The following DPYSL3 variants were observed in gnomAD, a reference collection of about 807,000 sequenced individuals.
The protein encoded by DPYSL3 is dihydropyrimidinase like 3, also known as dihydropyrimidinase-related protein 3.
In DPYSL3, 16 loss-of-function variants were observed where a neutral mutation model predicts 66.1. The observed-to-expected ratio is 0.24, with a 90% CI of 0.16 to 0.37. The LOEUF (loss-of-function observed/expected upper bound fraction) is 0.37, where lower values mean the gene tolerates loss of function less well. Among genes scored for constraint, DPYSL3 ranks in the 10% least tolerant of loss-of-function variants. DPYSL3 has a pLI of 1.00. For synonymous variants in DPYSL3, 338 were observed against 345.1 expected, an observed-to-expected ratio of 0.98 and a Z score of 0.23; for missense variants, 738 against 916.2, an observed-to-expected ratio of 0.81 and a Z score of 2.51.
intron 3 of DPYSL3, 75 bp downstream of exon 3, chr5:147,418,372 G>C: frequency 7.1e-7 from 1 of 1,405,230 alleles, no homozygotes; most frequent in South Asian, 1.5e-5. Flanking sequence ...GTTATAGTAA[G>C]AGAGTTCTGG....
At chr5:147,467,409 C>G (rs1753026587) in intron 1 of DPYSL3, among the ~76,000 whole-genome samples, 1 of 152,120 alleles carries the variant, frequency 6.6e-6, no homozygotes. Flanking sequence ...ATTTTGAAGT[C>G]CCCATAGAAG....
At chr5:147,415,026 T>TG (rs989260526) in intron 4 of DPYSL3, among the ~76,000 whole-genome samples, 12 of 151,968 alleles carry the variant, frequency 7.9e-5, no homozygotes, top group East Asian at 7.8e-4. Context: ...TGCCTGTATG[T>TG]GGGGGGGAGG....
At chr5:147,449,165 C>G (rs1581200344) in intron 1 of DPYSL3, among the ~76,000 whole-genome samples, 2 of 152,160 alleles carry the variant, frequency 1.3e-5, no homozygotes, top group African/African-American at 4.8e-5. Context: ...CTTCTTCTAG[C>G]TCTAGTCTAG....
chr5:147,483,045 A>G (rs1753272765), intron 1 of DPYSL3, among the ~76,000 whole-genome samples: 1 of 152,204 alleles, frequency 6.6e-6, no homozygotes, highest in African/African-American at 2.4e-5. Context: ...CTCGCTTGAC[A>G]CGTTGGGATT....
chr5:147,453,936 T>A, intron 1 of DPYSL3: 1 of 336,160 alleles, frequency 3.0e-6, no homozygotes. Context: ...CTTATCCCTA[T>A]TGATTTTCCT....
intron 1 of DPYSL3, among the ~76,000 whole-genome samples, chr5:147,468,385 G>T (rs1460220778): frequency 6.6e-6 from 1 of 152,160 alleles, no homozygotes; most frequent in Non-Finnish European, 1.5e-5. Context: ...ATTTGCCTTT[G>T]TTTAGAAAGA....
At chr5:147,438,957 A>G (rs920351256) in intron 1 of DPYSL3, among the ~76,000 whole-genome samples, 2 of 152,142 alleles carry the variant, frequency 1.3e-5, no homozygotes, top group Admixed American at 1.3e-4. Context: ...GGTTTTGGTG[A>G]TACAGTGGGG....
chr5:147,452,469 A>C (rs5872020), intron 1 of DPYSL3, among the ~76,000 whole-genome samples: 79 of 150,822 alleles, frequency 5.2e-4, no homozygotes, highest in African/African-American at 1.9e-3. Context: ...ACACACACAC[A>C]CCATCCAATT....
At chr5:147,423,500 T>C (rs1752126224) in intron 2 of DPYSL3, among the ~76,000 whole-genome samples, 1 of 152,200 alleles carries the variant, frequency 6.6e-6, no homozygotes, top group South Asian at 2.1e-4. Context: ...ATGCAAAACA[T>C]TTAACATTGT....
chr5:147,394,425 A>G (rs533830918), intron 13 of DPYSL3, among the ~76,000 whole-genome samples: 136 of 152,278 alleles, frequency 8.9e-4, no homozygotes, highest in African/African-American at 3.2e-3. Context: ...GTGGCAGGCA[A>G]TGTTTTCCGT....
At chr5:147,485,550 G>C (rs924788300) in intron 1 of DPYSL3, among the ~76,000 whole-genome samples, 3 of 152,006 alleles carry the variant, frequency 2.0e-5, no homozygotes, top group Admixed American at 6.6e-5. Flanking sequence ...AAAATGCATA[G>C]AGTGACTTAT....
chr5:147,446,499 G>A (rs1752631936), intron 1 of DPYSL3, among the ~76,000 whole-genome samples: 1 of 152,228 alleles, frequency 6.6e-6, no homozygotes, highest in Non-Finnish European at 1.5e-5. Flanking sequence ...AATTCCAGAT[G>A]TTCCAAATGG....
chr5:147,401,637 A>T lies in DPYSL3; in HGVS notation c.1213T>A (p.Trp405Arg). The T allele has an allele frequency of 1.2e-6, 2 of 1,614,150 alleles. No individual in the cohort carries two copies. Among genetic ancestry groups the T allele is most frequent in the Non-Finnish European group, 1.7e-6 (2 of 1,180,030 alleles). ...ASLGIDGTHY[W>R]SKNWAKAAAF... Reference sequence around the variant, plus strand: ...GCCGCCTTGGCCCAGTTCTTGCTCCAATAATGGGTTCCATCTATGCCGAGG... The same window carrying T: ...GCCGCCTTGGCCCAGTTCTTGCTCCTATAATGGGTTCCATCTATGCCGAGG... Residue 405 changes from tryptophan to arginine, a missense_variant, in exon 9 of 14, where the codon TGG (tryptophan) becomes AGG (arginine). Transcript: ENST00000343218.
intron 1 of DPYSL3, among the ~76,000 whole-genome samples, chr5:147,494,243 A>G (rs1320135189): frequency 6.6e-6 from 1 of 152,228 alleles, no homozygotes; most frequent in Non-Finnish European, 1.5e-5. Flanking sequence ...TACATTGAAT[A>G]CATGTATTAA....
At chr5:147,394,847 T>C (rs1266198690) in intron 13 of DPYSL3, among the ~76,000 whole-genome samples, 2 of 152,214 alleles carry the variant, frequency 1.3e-5, no homozygotes, top group Non-Finnish European at 2.9e-5. Context: ...TCCATACCCT[T>C]TCCTCATATG....
chr5:147,440,740 A>C (rs1581195881), intron 1 of DPYSL3, among the ~76,000 whole-genome samples: 1 of 152,314 alleles, frequency 6.6e-6, no homozygotes, highest in East Asian at 1.9e-4. Context: ...ATTCCAGGTC[A>C]CTGAGACTTT....
chr5:147,409,719 T>C (rs1751808063), intron 6 of DPYSL3, among the ~76,000 whole-genome samples: 2 of 152,170 alleles, frequency 1.3e-5, no homozygotes, highest in Admixed American at 1.3e-4. Context: ...TCTGAAATTA[T>C]TAAGACTGGT....
At chr5:147,462,077 A>G (rs1169669501) in intron 1 of DPYSL3, among the ~76,000 whole-genome samples, 1 of 151,680 alleles carries the variant, frequency 6.6e-6, no homozygotes, top group Non-Finnish European at 1.5e-5. Context: ...ACTAGTCTGG[A>G]TGCCACAAAA....
Position 147,414,378 on chromosome 5 carries a change from A to T in DPYSL3, c.821-721T>A, listed in dbSNP as rs138633304. Among the ~76,000 whole-genome samples, 10 of 152,296 alleles carry T rather than the reference A, an allele frequency of 6.6e-5. No individual in the cohort carries two copies. The East Asian group carries it at 1.4e-3, about 21-fold the overall frequency. ...AAAGATCTATTTAGATCTCTCCCCA[A>T]ATAAACTACTAATACAGTGATTTAC... is the stretch of plus-strand genomic sequence containing the variant. On this transcript the variant is annotated intron_variant, in intron 4 of 13. Transcript: ENST00000343218.
Sources: gnomAD v4.1 joint callset for allele counts (sites outside exome capture counted in the v4.1 genomes callset) on GRCh38, gnomAD v4.1.1 for gene constraint, MANE v1.5 for transcripts, NCBI Gene and HGNC (gene_info 2026-07-23, HGNC 2026-07-21) for gene names.